Variants in SHISA5 observed in about 807,000 individuals in gnomAD.
The protein encoded by SHISA5 is protein shisa-5.
A neutral mutation model predicts 27.5 loss-of-function variants in SHISA5; 21 were observed. The observed-to-expected ratio is 0.76, with a 90% CI of 0.54 to 1.10. The LOEUF (loss-of-function observed/expected upper bound fraction) is 1.10, where lower values mean the gene tolerates loss of function less well. Ranked by LOEUF, SHISA5 falls within the 50% of genes least tolerant of loss-of-function variation. SHISA5 has a pLI of 0.00. For synonymous variants in SHISA5, 137 were observed against 142.2 expected (o/e 0.96, Z 0.26); for missense variants, 314 against 336.3 (o/e 0.93, Z 0.52).
chr3:48,480,012 T>C (rs2040955170), intron 2 of SHISA5, among the ~76,000 whole-genome samples: 1 of 152,024 alleles, frequency 6.6e-6, no homozygotes, highest in Admixed American at 6.6e-5. Context: ...CACACCGTTC[T>C]CCTGCCTCAG....
chr3:48,484,436 A>C (rs1315592458), intron 2 of SHISA5, among the ~76,000 whole-genome samples: 2 of 151,760 alleles, frequency 1.3e-5, no homozygotes, highest in Non-Finnish European at 2.9e-5. Context: ...TCTCTACTAA[A>C]AATACAAAAA....
chr3:48,494,282 C>T (rs1257181839), intron 2 of SHISA5, among the ~76,000 whole-genome samples: 1 of 144,794 alleles, frequency 6.9e-6, no homozygotes, highest in Non-Finnish European at 1.5e-5. Context: ...TCATAAATGA[C>T]AGGATTTCTG....
intron 2 of SHISA5, among the ~76,000 whole-genome samples, chr3:48,495,328 G>A (rs1466888900): frequency 8.1e-5 from 3 of 36,966 alleles, no homozygotes; most frequent in African/African-American, 1.8e-4. Flanking sequence ...CTTTTACGAC[G>A]CTTTTTTTTT....
At chr3:48,472,159 C>A (rs1313536312) in intron 3 of SHISA5, among the ~76,000 whole-genome samples, 2 of 149,130 alleles carry the variant, frequency 1.3e-5, no homozygotes, top group African/African-American at 2.5e-5. Flanking sequence ...CCAGCCTGAG[C>A]AACAGTGGGA....
In SHISA5 at chr3:48,468,675, A is replaced by T; in HGVS notation, c.*432T>A. 8.2e-7 allele frequency: 1 copy of T among 1,224,622 alleles called. No homozygotes were observed. Among genetic ancestry groups the T allele is most frequent in the Non-Finnish European group, 1.0e-6 (1 of 959,654 alleles). The allele number at this position is 1,224,622 out of a possible 1,614,324, so 75.9% of individuals were successfully genotyped here. On this transcript the variant is annotated 3_prime_UTR_variant, in exon 6 of 6. Coordinates refer to ENST00000296444, the MANE Select transcript of SHISA5 (RefSeq NM_016479.6). ...AAGCAGCAGCTGGCTACGCTGCCGA[A>T]ACCAGGACACATCTGCATCACACAG...
chr3:48,490,860 G>C (rs746046461), intron 2 of SHISA5, among the ~76,000 whole-genome samples: 6 of 152,244 alleles, frequency 3.9e-5, no homozygotes, highest in Non-Finnish European at 7.4e-5. Flanking sequence ...ATCCTAAAGA[G>C]AGTAACTAAA....
intron 2 of SHISA5, among the ~76,000 whole-genome samples, chr3:48,498,847 C>T (rs1421020170): frequency 2.6e-5 from 4 of 151,594 alleles, no homozygotes; most frequent in Admixed American, 6.6e-5. Context: ...TTTGGGAGGC[C>T]GAGGCAGGAG....
rs2040548554 is a variant in SHISA5 at position 48,469,974 on chromosome 3, G to T, written c.315-131C>A. On this transcript the variant is annotated intron_variant, in intron 3 of 5. Transcript: ENST00000296444. This position sits in a 1 kb window ranked among gnomAD's most constrained non-coding sequence, Gnocchi z 4.6. ...AGTTATAGCTACTTCCTTGTCGGGT[G>T]GCCTGCACCTGTTTCAATCTGTTTC... 8.2e-7 allele frequency: 1 copy of T among 1,215,866 alleles called. No homozygotes were observed. Among genetic ancestry groups the T allele is most frequent in the Non-Finnish European group, 1.1e-6 (1 of 875,974 alleles). 75.3% of individuals were successfully genotyped at this position (1,215,866 alleles called of 1,614,324 possible).
Position 48,504,171 on chromosome 3 carries a change from G to A in SHISA5, c.-77C>T. ...CACAGCCTCAGTGATCCGCGCGGCC[G>A]CCCCTCTCCCTCGCCCCGCCCCGCC... On this transcript the variant is annotated 5_prime_UTR_variant, in exon 1 of 6. Coordinates refer to ENST00000296444, the MANE Select transcript of SHISA5 (RefSeq NM_016479.6). This position sits in a 1 kb window ranked among gnomAD's most constrained non-coding sequence, Gnocchi z 4.0. 2 of 662,632 alleles carry A rather than the reference G, an allele frequency of 3.0e-6. No individual in the cohort carries two copies. Among genetic ancestry groups the A allele is most frequent in the Non-Finnish European group, 4.3e-6 (2 of 464,940 alleles). 41.0% of individuals were successfully genotyped at this position (662,632 alleles called of 1,614,324 possible).
At position 48,470,488 on chromosome 3, in the gene SHISA5, C is replaced by A. The variant is rs2040567456; in HGVS notation, c.315-645G>T. ...AGCACCGTGCCAGGGGTCACACACA[C>A]CCCTGGGTCCCCCACCTCTGACCTG... On this transcript the variant is annotated intron_variant, in intron 3 of 5. Transcript: ENST00000296444. The surrounding 1 kb of genome is among the most constrained non-coding windows in gnomAD (Gnocchi z 4.3). Among the ~76,000 whole-genome samples the A allele has an allele frequency of 6.6e-6, 1 of 152,216 alleles. No individual in the cohort carries two copies. The highest frequency in any genetic ancestry group is 1.5e-5 in the Non-Finnish European group (1 of 68,038).
chr3:48,491,794 C>T (rs776313699), intron 2 of SHISA5, among the ~76,000 whole-genome samples: 1 of 151,852 alleles, frequency 6.6e-6, no homozygotes, highest in Non-Finnish European at 1.5e-5. Context: ...ACCACAGACG[C>T]GCACCATCAT....
chr3:48,503,780 C>A (rs977651126), intron 1 of SHISA5: 4 of 1,241,242 alleles, frequency 3.2e-6, no homozygotes, highest in South Asian at 3.4e-5. Flanking sequence ...CCCTCCCCAC[C>A]GTTCCAGGAC....
chr3:48,497,262 GTTTTT>G (rs771239815), intron 2 of SHISA5, among the ~76,000 whole-genome samples: 2 of 116,582 alleles, frequency 1.7e-5, no homozygotes, highest in Non-Finnish European at 1.7e-5. Flanking sequence ...TCCAGAACAA[GTTTTT>G]TTTTTTTTTT....
At chr3:48,504,369 G>A (rs1042152173), upstream of SHISA5, 2 of 328,802 alleles carry the variant, frequency 6.1e-6, no homozygotes, top group East Asian at 4.7e-5. This position sits in a 1 kb window ranked among gnomAD's most constrained non-coding sequence, Gnocchi z 4.0. Context: ...ACTTGGTACC[G>A]GTTCCCAGAC....
chr3:48,485,166 C>G (rs892909502), intron 2 of SHISA5, among the ~76,000 whole-genome samples: 2 of 151,928 alleles, frequency 1.3e-5, no homozygotes, highest in Non-Finnish European at 2.9e-5. Flanking sequence ...CAGAGCAAGA[C>G]TCAGTCTCAA....
rs1256708985 is a variant in SHISA5 at position 48,469,259 on chromosome 3, G to A, written c.644-73C>T. 2.5e-6 allele frequency: 4 copies of A among 1,586,554 alleles called. No homozygotes were observed. The highest frequency in any genetic ancestry group is 3.4e-6 in the Non-Finnish European group (4 of 1,167,272). On this transcript the variant is annotated intron_variant, in intron 5 of 5. Coordinates refer to ENST00000296444, the MANE Select transcript of SHISA5 (RefSeq NM_016479.6). This position sits in a 1 kb window ranked among gnomAD's most constrained non-coding sequence, Gnocchi z 4.6. ...GTGTGAGTGGCAGGCAAGCAGAAAG[G>A]GGCAGAGGCCTGTTGAGTGATGTAG...
chr3:48,485,430 G>C (rs924672002), intron 2 of SHISA5, among the ~76,000 whole-genome samples: 4 of 150,802 alleles, frequency 2.7e-5, no homozygotes. Flanking sequence ...GGGAGGTGGA[G>C]GTTGCAGTGA....
chr3:48,493,835 TTTC>T (rs2041489254), intron 2 of SHISA5, among the ~76,000 whole-genome samples: 1 of 147,346 alleles, frequency 6.8e-6, no homozygotes, highest in Admixed American at 6.6e-5. Context: ...ACCCATCCGA[TTTC>T]TTTTTTAACT....
chr3:48,490,057 C>T (rs1319444779), intron 2 of SHISA5, among the ~76,000 whole-genome samples: 2 of 152,102 alleles, frequency 1.3e-5, no homozygotes, highest in African/African-American at 2.4e-5. Flanking sequence ...CCGCCACCTC[C>T]GTTTTTTTTG....
Sources: allele counts gnomAD v4.1 joint callset (sites outside exome capture counted in the v4.1 genomes callset), GRCh38; gene constraint gnomAD v4.1.1; non-coding constraint Gnocchi (gnomAD v3.1); transcripts MANE v1.5; gene names NCBI Gene and HGNC (gene_info 2026-07-23, HGNC 2026-07-21).